Variants in AGXT2 observed in about 807,000 individuals in gnomAD.
AGXT2 encodes the protein alanine--glyoxylate aminotransferase 2, mitochondrial.
In AGXT2, 61 loss-of-function variants were observed where a neutral mutation model predicts 62.5. The ratio of observed to expected loss-of-function variants is 0.98; its 90% CI spans 0.79 to 1.21. The LOEUF (loss-of-function observed/expected upper bound fraction) is 1.21, where lower values mean the gene tolerates loss of function less well. Among genes scored for constraint, AGXT2 ranks in the 50% most tolerant of loss-of-function variants. The pLI, the probability that AGXT2 is intolerant of heterozygous loss-of-function variation, is 0.00. For missense variants in AGXT2, 666 were observed against 641.5 expected, an observed-to-expected ratio of 1.04 and a Z score of -0.41; for synonymous variants, 243 against 218.7, an observed-to-expected ratio of 1.11 and a Z score of -0.98.
At chr5:35,028,069 T>A (rs553901244) in intron 7 of AGXT2, among the ~76,000 whole-genome samples, 114 of 151,926 alleles carry the variant, frequency 7.5e-4, no homozygotes, top group African/African-American at 2.5e-3. Context: ...GGCCCTGGAC[T>A]TCGTCATCTC....
At chr5:35,041,513 A>G (rs932698958) in intron 1 of AGXT2, among the ~76,000 whole-genome samples, 2 of 152,124 alleles carry the variant, frequency 1.3e-5, no homozygotes, top group African/African-American at 4.8e-5. Context: ...GCCAGCACAG[A>G]CTTTGGCCCC....
chr5:35,037,217 A>C (rs771559337), intron 3 of AGXT2, 152 bp from the exon 4 acceptor site: 6 of 1,144,314 alleles, frequency 5.2e-6, no homozygotes, highest in Non-Finnish European at 7.4e-6. Flanking sequence ...TTTAACCACT[A>C]GAGGTGTCCA....
rs145501075 is a variant in AGXT2 at position 35,015,052 on chromosome 5, G to C, written c.964-933C>G. ...CTTAGTTTTTTTGTGCATGCTGTTC[G>C]CTCTTTCTAGAAGACCCTCTTCTTG... On this transcript the variant is annotated intron_variant, in intron 9 of 13. Transcript: ENST00000231420. Among the ~76,000 whole-genome samples the C allele has an allele frequency of 4.0e-3, 611 of 152,264 alleles. 3 individuals are homozygous for C. Among genetic ancestry groups the C allele is most frequent in the African/African-American group, 0.014 (591 of 41,544 alleles).
intron 5 of AGXT2, among the ~76,000 whole-genome samples, chr5:35,034,129 G>C (rs1234998845): frequency 1.3e-5 from 2 of 152,076 alleles, no homozygotes; most frequent in African/African-American, 4.8e-5. Context: ...CAAGGATTTA[G>C]GACCGTTAAG....
intron 9 of AGXT2, among the ~76,000 whole-genome samples, chr5:35,014,340 C>G (rs1315006986): frequency 6.7e-6 from 1 of 149,762 alleles, no homozygotes; most frequent in Admixed American, 6.8e-5. Context: ...GTAATCCCAG[C>G]TACTCGGGAG....
chr5:35,028,603 GAGAGAGAGAGAGA>G (rs1767452652), intron 7 of AGXT2, among the ~76,000 whole-genome samples: 1 of 91,980 alleles, frequency 1.1e-5, no homozygotes, highest in South Asian at 3.1e-4. Context: ...GAGAGAGAGA[GAGAGAGAGAGAGA>G]GAGAAATTCT....
chr5:35,011,149 G>A (rs1766624177), intron 11 of AGXT2, among the ~76,000 whole-genome samples: 1 of 152,102 alleles, frequency 6.6e-6, no homozygotes, highest in African/African-American at 2.4e-5. Context: ...TTCTAAATTG[G>A]TTGAGGTAAC....
intron 1 of AGXT2, among the ~76,000 whole-genome samples, chr5:35,042,684 C>A (rs2112294888): frequency 6.6e-6 from 1 of 150,788 alleles, no homozygotes; most frequent in Non-Finnish European, 1.5e-5. Flanking sequence ...GTTCATAAAG[C>A]TTTTTTGGGG....
At chr5:35,007,877 G>A (rs901609986) in intron 12 of AGXT2, among the ~76,000 whole-genome samples, 1 of 152,102 alleles carries the variant, frequency 6.6e-6, no homozygotes, top group Non-Finnish European at 1.5e-5. Flanking sequence ...TCCATGATGA[G>A]TTGTCACTCC....
At chr5:35,002,468 A>G (rs1766263652) in intron 13 of AGXT2, among the ~76,000 whole-genome samples, 1 of 152,180 alleles carries the variant, frequency 6.6e-6, no homozygotes, top group African/African-American at 2.4e-5. Context: ...TATGATCTGG[A>G]CATTTGTGCC....
At chr5:34,999,850 G>A (rs905562138) in intron 13 of AGXT2, among the ~76,000 whole-genome samples, 1 of 152,018 alleles carries the variant, frequency 6.6e-6, no homozygotes, top group Non-Finnish European at 1.5e-5. Context: ...ACTCCAAATT[G>A]TCCACCTATG....
In AGXT2 at chr5:35,035,419, G is replaced by A. The variant is rs529638627; in HGVS notation, c.487-103C>T. 134 of 944,282 alleles carry A rather than the reference G, an allele frequency of 1.4e-4. No individual in the cohort carries two copies. The African/African-American group carries it at 1.9e-3, about 14-fold the overall frequency. 58.5% of individuals were successfully genotyped at this position (944,282 alleles called of 1,614,324 possible). ...GTGTCCAGCCCCTGAGTATTAAGGA[G>A]AGTTCCCTTCAGACCAGCTCGGGTT... On this transcript the variant is annotated intron_variant, in intron 4 of 13. Coordinates refer to ENST00000231420, the MANE Select transcript of AGXT2 (RefSeq NM_031900.4).
chr5:35,025,629 A>G (rs1274587330), intron 9 of AGXT2, 134 bp downstream of exon 9: 2 of 866,302 alleles, frequency 2.3e-6, no homozygotes, highest in East Asian at 2.6e-5. Flanking sequence ...CACAAATTTC[A>G]TTCATTTGTA....
At chr5:35,033,012 G>A in intron 6 of AGXT2, 187 bp from the exon 7 acceptor site, 1 of 616,920 alleles carries the variant, frequency 1.6e-6, no homozygotes, top group Non-Finnish European at 2.9e-6. Flanking sequence ...AGCTATGTGG[G>A]CCCTCTACAA....
At chr5:35,008,991 G>A (rs1766528373) in intron 12 of AGXT2, among the ~76,000 whole-genome samples, 2 of 152,182 alleles carry the variant, frequency 1.3e-5, no homozygotes, top group Admixed American at 1.3e-4. Context: ...GAGAGACATG[G>A]GAGAGAAGAG....
At chr5:35,044,704 A>T (rs964313195) in intron 1 of AGXT2, among the ~76,000 whole-genome samples, 1 of 151,920 alleles carries the variant, frequency 6.6e-6, no homozygotes, top group Non-Finnish European at 1.5e-5. Context: ...CTGAAGCCAC[A>T]CAGGGGCAGT....
chr5:35,047,159 C>T (rs534617454), intron 1 of AGXT2, among the ~76,000 whole-genome samples: 2 of 152,308 alleles, frequency 1.3e-5, no homozygotes, highest in East Asian at 1.9e-4. Context: ...GTCATCCTAG[C>T]CTGGTGCAAT....
intron 10 of AGXT2, among the ~76,000 whole-genome samples, 159 bp from the exon 11 acceptor site, chr5:35,013,204 C>T (rs548255792): frequency 2.0e-5 from 3 of 152,152 alleles, no homozygotes; most frequent in Non-Finnish European, 2.9e-5. Context: ...TGAATTGTAT[C>T]GCCTCAAAAT....
At chr5:35,011,611 AT>A (rs1766643989) in intron 11 of AGXT2, among the ~76,000 whole-genome samples, 2 of 152,162 alleles carry the variant, frequency 1.3e-5, no homozygotes, top group Admixed American at 6.5e-5. Context: ...TTTATTTAAA[AT>A]TTTTTTGGAA....
Sources: gnomAD v4.1 joint callset for allele counts (sites outside exome capture counted in the v4.1 genomes callset) on GRCh38, gnomAD v4.1.1 for gene constraint, MANE v1.5 for transcripts, NCBI Gene and HGNC (gene_info 2026-07-23, HGNC 2026-07-21) for gene names.